MYO1B: variants seen among roughly 807,000 people sequenced by gnomAD.
The protein encoded by MYO1B is myosin IB, also known as unconventional myosin-Ib.
A neutral mutation model predicts 159.7 loss-of-function variants in MYO1B; 72 were observed. The observed-to-expected ratio is 0.45, with a 90% CI of 0.37 to 0.55. The LOEUF (loss-of-function observed/expected upper bound fraction) is 0.55. Ranked by LOEUF, MYO1B falls within the 20% of genes least tolerant of loss-of-function variation. The probability of loss-of-function intolerance (pLI) is 0.00; values close to 1 mark genes in which losing one functional copy is unlikely to be tolerated. For missense variants in MYO1B, 1,062 were observed against 1,364.8 expected (o/e 0.78, Z 3.50); for synonymous variants, 468 against 473.8 (o/e 0.99, Z 0.16).
intron 4 of MYO1B, among the ~76,000 whole-genome samples, chr2:191,332,373 G>A (rs1235148554): frequency 6.7e-6 from 1 of 149,982 alleles, no homozygotes; most frequent in Non-Finnish European, 1.5e-5. Flanking sequence ...TTTTTTCACA[G>A]TAACTTCCAT....
Position 191,362,301 on chromosome 2 carries a change from A to G in MYO1B, c.695A>G (p.Tyr232Cys), listed in dbSNP as rs762847753. ...KLKLERDFSR[Y>C]NYLSLDSAKV... The stretch of plus-strand genomic sequence containing the variant: ...AAGCTTGAGAGGGATTTCAGCAGGT[A>G]TAACTACCTGAGTCTGGATTCGGCC... Residue 232 changes from tyrosine (Y) to cysteine (C), a missense_variant, in exon 9 of 31, where the codon TAT (tyrosine) becomes TGT (cysteine). Physicochemically the swap from Tyr to Cys is radical, Grantham distance 194 (BLOSUM62 -2). Transcript: ENST00000392318. 6.2e-7 allele frequency: 1 copy of G among 1,613,894 alleles called. No individual in the cohort carries two copies. The highest frequency in any genetic ancestry group is 8.5e-7 in the Non-Finnish European group (1 of 1,179,810).
chr2:191,402,382 T>G, intron 23 of MYO1B: 1 of 491,280 alleles, frequency 2.0e-6, no homozygotes, highest in South Asian at 2.3e-5. Context: ...AAGTGAGGGG[T>G]GGGAAATGAT....
At chr2:191,271,312 AT>A (rs1334162274) in intron 1 of MYO1B, among the ~76,000 whole-genome samples, 1 of 152,230 alleles carries the variant, frequency 6.6e-6, no homozygotes, top group Non-Finnish European at 1.5e-5. Flanking sequence ...CTCATTTACA[AT>A]TACCAAAGCA....
At chr2:191,290,109 T>A (rs1688608730) in intron 2 of MYO1B, among the ~76,000 whole-genome samples, 2 of 152,210 alleles carry the variant, frequency 1.3e-5, no homozygotes, top group South Asian at 4.1e-4. Flanking sequence ...TACCCTACGT[T>A]CCCAATTAGT....
intron 1 of MYO1B, among the ~76,000 whole-genome samples, chr2:191,269,250 A>C (rs961502834): frequency 1.3e-5 from 2 of 152,170 alleles, no homozygotes; most frequent in Admixed American, 1.3e-4. Context: ...GTGGGATCGT[A>C]TATTTCTACT....
chr2:191,411,123 C>T lies in MYO1B; in HGVS notation c.2824C>T (p.Leu942=), dbSNP rs759392538. The T allele has an allele frequency of 1.2e-5, 20 of 1,612,332 alleles. 1 individual carries two copies. In the South Asian group the frequency reaches 2.2e-4, roughly 18 times the overall value. The change falls in exon 27 of 31, where the codon CTA becomes TTA. Residue 942 remains leucine (L), a synonymous_variant. Transcript: ENST00000392318. ...DQQKLIYEEK[L]EASELFKDKK... ...GCAGAAACTTATTTATGAAGAGAAA[C>T]TAGAAGCCAGTGAACTCTTCAAAGA...
At chr2:191,403,213 T>C (rs10184239) in intron 24 of MYO1B, among the ~76,000 whole-genome samples, 149,058 of 152,274 alleles carry the variant, frequency 0.98, 73,021 homozygotes, top group Middle Eastern at 1. Flanking sequence ...TCTTGCATCA[T>C]TAAGCTTACA....
At chr2:191,250,314 A>G (rs1016465609) in intron 1 of MYO1B, among the ~76,000 whole-genome samples, 11 of 152,224 alleles carry the variant, frequency 7.2e-5, no homozygotes, top group African/African-American at 2.4e-4. Context: ...CCAATCTCCA[A>G]TGATGTGAAA....
chr2:191,390,539 C>A lies in MYO1B; in HGVS notation c.1982+47C>A. ...TTTAATAATGAATGTTTTAAGTGGTCAAATAATACGGTGTTTTTTCACATG... is the reference window on the plus strand; with the variant it reads ...TTTAATAATGAATGTTTTAAGTGGTAAAATAATACGGTGTTTTTTCACATG... On this transcript the variant is annotated intron_variant, in intron 18 of 30. Coordinates refer to ENST00000392318, the MANE Select transcript of MYO1B (RefSeq NM_001130158.3). 7 of 1,556,166 alleles carry A rather than the reference C, an allele frequency of 4.5e-6. No homozygotes were observed. In the South Asian group the frequency reaches 7.0e-5, roughly 15 times the overall value.
rs1346081399 is a variant in MYO1B at position 191,387,244 on chromosome 2, A to G, written c.1575A>G (p.Gly525=). ...TATAGGTGCTGTACCAGGTGGAAGG[A>G]TTCGTTGACAAAAACAATGACCTTC... ...YAGKVLYQVE[G]FVDKNNDLLY... The change falls in exon 17 of 31, where the codon GGA becomes GGG. Residue 525 remains glycine (G), a synonymous_variant. Coordinates refer to ENST00000392318, the MANE Select transcript of MYO1B (RefSeq NM_001130158.3). The G allele has an allele frequency of 2.5e-6, 4 of 1,614,062 alleles. No homozygotes were observed. Among genetic ancestry groups the G allele is most frequent in the Non-Finnish European group, 2.5e-6 (3 of 1,179,964 alleles).
intron 29 of MYO1B, among the ~76,000 whole-genome samples, chr2:191,415,648 G>A (rs1356447): frequency 0.81 from 122,815 of 151,740 alleles, 53,837 homozygotes; most frequent in Non-Finnish European, 0.98. Flanking sequence ...GCACAGCTAA[G>A]GCTGAGAGCC....
chr2:191,418,800 A>C (rs559495937), intron 30 of MYO1B, among the ~76,000 whole-genome samples: 25 of 152,164 alleles, frequency 1.6e-4, no homozygotes, highest in African/African-American at 6.0e-4. Context: ...GTTCAGTGGA[A>C]TTTAAACTTG....
At chr2:191,388,082 G>A (rs1242270724) in intron 17 of MYO1B, 1 of 152,416 alleles carries the variant, frequency 6.6e-6, no homozygotes, top group African/African-American at 2.4e-5. Flanking sequence ...TCAGGAATTC[G>A]AGACTAGCCT....
Position 191,410,967 on chromosome 2 carries a change from T to A in MYO1B, c.2767-99T>A, listed in dbSNP as rs1339642487. 4.4e-6 allele frequency: 3 copies of A among 683,080 alleles called. No homozygotes were observed. In the African/African-American group the frequency reaches 5.6e-5, roughly 13 times the overall value. The allele number at this position is 683,080 out of a possible 1,614,324, so 42.3% of individuals were successfully genotyped here. ...TAGTGAATGTTTTGTACTTTCTCCC[T>A]TATTCTTGTTGCTGATAAATTGTCT... On this transcript the variant is annotated intron_variant, in intron 26 of 30. Transcript: ENST00000392318.
At chr2:191,401,178 G>T (rs1696592737) in intron 23 of MYO1B, among the ~76,000 whole-genome samples, 1 of 151,952 alleles carries the variant, frequency 6.6e-6, no homozygotes, top group Admixed American at 6.6e-5. Flanking sequence ...TTCTGGAGGG[G>T]TTGCGCATGT....
chr2:191,340,283 T>C (rs1027097916), intron 4 of MYO1B, among the ~76,000 whole-genome samples: 1 of 152,010 alleles, frequency 6.6e-6, no homozygotes, highest in African/African-American at 2.4e-5. Context: ...CACGCGATCA[T>C]ATTAAAAGCT....
At chr2:191,300,918 A>G (rs987925677) in intron 3 of MYO1B, among the ~76,000 whole-genome samples, 20 of 152,166 alleles carry the variant, frequency 1.3e-4, no homozygotes, top group Non-Finnish European at 2.4e-4. Context: ...TTGTATAAGT[A>G]TATGACTTTC....
intron 21 of MYO1B, among the ~76,000 whole-genome samples, chr2:191,399,247 G>A (rs945529947): frequency 6.6e-6 from 1 of 152,034 alleles, no homozygotes; most frequent in African/African-American, 2.4e-5. Context: ...GCATCAGAGG[G>A]AGACCGTGGA....
chr2:191,287,617 A>T (rs998931061), intron 2 of MYO1B, among the ~76,000 whole-genome samples: 1 of 152,178 alleles, frequency 6.6e-6, no homozygotes, highest in African/African-American at 2.4e-5. Flanking sequence ...TTTGCCAGCT[A>T]ATTTGGAGCC....
Sources: allele counts gnomAD v4.1 joint callset (sites outside exome capture counted in the v4.1 genomes callset), GRCh38; gene constraint gnomAD v4.1.1; transcripts MANE v1.5; gene names NCBI Gene and HGNC (gene_info 2026-07-23, HGNC 2026-07-21).